SLC37A1: variants seen among roughly 807,000 people sequenced by gnomAD.
SLC37A1 encodes solute carrier family 37 member 1, also known as glucose-6-phosphate exchanger SLC37A1.
Under a neutral mutation model 75.3 loss-of-function variants are expected in SLC37A1, and 49 were observed. The observed-to-expected ratio is 0.65, with a 90% CI of 0.52 to 0.83. The LOEUF is 0.83. Among genes scored for constraint, SLC37A1 ranks in the 40% least tolerant of loss-of-function variants. SLC37A1 has a pLI of 0.00. For synonymous variants in SLC37A1, 268 were observed against 292.1 expected (o/e 0.92, Z 0.84); for missense variants, 566 against 695.0 (o/e 0.81, Z 2.09).
intron 1 of SLC37A1, among the ~76,000 whole-genome samples, chr21:42,515,692 A>T (rs1429338286): frequency 6.6e-6 from 1 of 152,154 alleles, no homozygotes; most frequent in African/African-American, 2.4e-5. Context: ...TTTTAGTTTC[A>T]GGGGTACATG....
chr21:42,553,610 C>A (rs947444365), intron 9 of SLC37A1, among the ~76,000 whole-genome samples: 3 of 151,670 alleles, frequency 2.0e-5, no homozygotes, highest in African/African-American at 7.3e-5. Context: ...TGCCCTCTAG[C>A]AGCAGGTCCA....
intron 18 of SLC37A1, among the ~76,000 whole-genome samples, chr21:42,578,971 G>C (rs377016781): frequency 5.9e-5 from 9 of 152,360 alleles, no homozygotes; most frequent in East Asian, 1.9e-4. Flanking sequence ...TGCCCTCTAA[G>C]AACGAGGGGC....
chr21:42,557,365 C>T (rs2146959264), intron 10 of SLC37A1, among the ~76,000 whole-genome samples: 1 of 152,388 alleles, frequency 6.6e-6, no homozygotes, highest in Middle Eastern at 3.4e-3. Flanking sequence ...CACAGTAGAG[C>T]ATTACTGATG....
intron 1 of SLC37A1, among the ~76,000 whole-genome samples, chr21:42,501,661 G>A (rs1029521962): frequency 9.9e-5 from 15 of 152,216 alleles, no homozygotes; most frequent in South Asian, 2.1e-4. Flanking sequence ...GCAGTGAGCC[G>A]AGATTGCACC....
rs1348792945 is a variant in SLC37A1 at position 42,554,056 on chromosome 21, T to C, written c.769-6T>C. 6.2e-7 allele frequency: 1 copy of C among 1,602,502 alleles called. No homozygotes were observed. Among genetic ancestry groups the C allele is most frequent in the Non-Finnish European group, 8.5e-7 (1 of 1,175,402 alleles). The stretch of plus-strand genomic sequence containing the variant: ...ATCGCTCTAATGAAACTTTTTTTTT[T>C]ACCAGCACTCAAAAGGCTATGAGAA... On this transcript the variant is annotated splice_polypyrimidine_tract_variant and splice_region_variant and intron_variant, in intron 9 of 19. Transcript: ENST00000352133.
intron 2 of SLC37A1, among the ~76,000 whole-genome samples, chr21:42,520,078 C>T (rs369320651): frequency 1.3e-5 from 2 of 152,108 alleles, no homozygotes; most frequent in Admixed American, 6.5e-5. Context: ...TAAATACTTC[C>T]GTGTGTATTT....
intron 1 of SLC37A1, among the ~76,000 whole-genome samples, chr21:42,515,798 G>C (rs12483629): frequency 1.3e-5 from 2 of 151,972 alleles, no homozygotes; most frequent in African/African-American, 4.8e-5. Flanking sequence ...TCGCTCTGTC[G>C]CCCAGGCTGG....
intron 12 of SLC37A1, among the ~76,000 whole-genome samples, chr21:42,563,593 A>G (rs2055892627): frequency 6.6e-6 from 1 of 152,232 alleles, no homozygotes; most frequent in African/African-American, 2.4e-5. Flanking sequence ...AAGGTGGGAT[A>G]ATTAGACTGA....
In SLC37A1 at chr21:42,541,583, A is replaced by G. The variant is rs558476212; in HGVS notation, c.487-821A>G. Reference sequence around the variant, plus strand: ...TCAAAAGTGCAGAGATACTTTGTCCAGGCGCGAAGTCAAGTTCGTGTTCAT... The same window carrying G: ...TCAAAAGTGCAGAGATACTTTGTCCGGGCGCGAAGTCAAGTTCGTGTTCAT... On this transcript the variant is annotated intron_variant, in intron 6 of 19. Transcript: ENST00000352133. Among the ~76,000 whole-genome samples the G allele has an allele frequency of 7.7e-4, 118 of 152,368 alleles. 1 individual carries two copies. The highest frequency in any genetic ancestry group is 2.7e-3 in the African/African-American group (114 of 41,596).
Position 42,525,838 on chromosome 21 carries a change from A to G in SLC37A1, c.119A>G (p.Lys40Arg). 1 of 1,613,894 alleles carries G rather than the reference A, an allele frequency of 6.2e-7. No individual in the cohort carries two copies. Among genetic ancestry groups the G allele is most frequent in the Non-Finnish European group, 8.5e-7 (1 of 1,179,806 alleles). Residue 40 changes from lysine (K) to arginine (R), a missense_variant, in exon 3 of 20, where the codon AAG (lysine) becomes AGG (arginine). Coordinates refer to ENST00000352133, the MANE Select transcript of SLC37A1 (RefSeq NM_001320537.2). ...TATGCAAGTTTTCACTTATCTCGAA[A>G]GCCTATCAGCATAGTTAAGGTAAGA... is the stretch of plus-strand genomic sequence containing the variant. The part of the protein sequence containing the change: ...LLYASFHLSR[K>R]PISIVKGELH...
intron 18 of SLC37A1, chr21:42,575,429 G>A (rs963702635): frequency 2.0e-6 from 2 of 985,354 alleles, no homozygotes; most frequent in Non-Finnish European, 2.4e-6. Context: ...GAATAAAGGA[G>A]CAAAGAGGTT....
chr21:42,512,390 A>C (rs1270999584), upstream of SLC37A1, among the ~76,000 whole-genome samples: 1 of 152,188 alleles, frequency 6.6e-6, no homozygotes, highest in African/African-American at 2.4e-5. Flanking sequence ...TAGGAGGGCA[A>C]CTTGAGGCAG....
At chr21:42,521,020 C>T (rs2054635481) in intron 2 of SLC37A1, among the ~76,000 whole-genome samples, 1 of 152,214 alleles carries the variant, frequency 6.6e-6, no homozygotes, top group Admixed American at 6.5e-5. Context: ...GCTCGCCGTA[C>T]AGTGGAAGCT....
chr21:42,579,721 T>C lies in SLC37A1; in HGVS notation c.1522-15T>C. ...TGCTCCAGTAACAGGTGGGCTCACCTTTGTTTTGGTGCAGTTCCTGATCCG... is the reference window on the plus strand; with the variant it reads ...TGCTCCAGTAACAGGTGGGCTCACCCTTGTTTTGGTGCAGTTCCTGATCCG... On this transcript the variant is annotated splice_polypyrimidine_tract_variant and intron_variant, in intron 18 of 19. Coordinates refer to ENST00000352133, the MANE Select transcript of SLC37A1 (RefSeq NM_001320537.2). The C allele has an allele frequency of 6.2e-7, 1 of 1,614,084 alleles. No individual in the cohort carries two copies. Among genetic ancestry groups the C allele is most frequent in the Non-Finnish European group, 8.5e-7 (1 of 1,179,990 alleles).
chr21:42,564,831 A>C, intron 14 of SLC37A1, 38 bp downstream of exon 14: 1 of 1,580,610 alleles, frequency 6.3e-7, no homozygotes, highest in Non-Finnish European at 8.6e-7. Context: ...CAAAGCCTGC[A>C]GACAGTCCCC....
rs1942867439 is a variant in SLC37A1, at chr21:42,539,553, C to G, written c.392C>G (p.Thr131Ser). 6.2e-7 allele frequency: 1 copy of G among 1,613,862 alleles called. No homozygotes were observed. Among genetic ancestry groups the G allele is most frequent in the Non-Finnish European group, 8.5e-7 (1 of 1,179,960 alleles). ...GERLPIRYYL[T>S]FGMLASGAFT... is the part of the protein sequence containing the mutation. ...CGCCTGCCGATTAGGTATTACCTAA[C>G]TTTCGGGATGCTCGCCAGCGGAGCC... Residue 131 changes from threonine to serine, a missense_variant, in exon 6 of 20, where the codon ACT becomes AGT. Coordinates refer to ENST00000352133, the MANE Select transcript of SLC37A1 (RefSeq NM_001320537.2).
rs1196062879 is a variant in SLC37A1, at chr21:42,547,845, T to A, written c.768+705T>A. 1.3e-5 allele frequency: 2 copies of A among 153,138 alleles called. No individual in the cohort carries two copies. Among genetic ancestry groups the A allele is most frequent in the African/African-American group, 4.8e-5 (2 of 41,454 alleles). 9.5% of individuals were successfully genotyped at this position (153,138 alleles called of 1,614,324 possible). Reference sequence around the variant, plus strand: ...AGAAAGTCCCTCTGGCCCTCATGCCTGCTCCCAGCCGCCCCGCTCCCCATG... The same window carrying A: ...AGAAAGTCCCTCTGGCCCTCATGCCAGCTCCCAGCCGCCCCGCTCCCCATG... On this transcript the variant is annotated intron_variant, in intron 9 of 19. Transcript: ENST00000352133. The surrounding 1 kb of genome is among the most constrained non-coding windows in gnomAD (Gnocchi z 6.1).
At chr21:42,524,702 G>A (rs1044886409) in intron 2 of SLC37A1, among the ~76,000 whole-genome samples, 5 of 152,162 alleles carry the variant, frequency 3.3e-5, no homozygotes, top group South Asian at 2.1e-4. Context: ...TGTGCATCTC[G>A]AGTCCCAGGT....
chr21:42,538,984 C>G (rs995887944), intron 5 of SLC37A1, among the ~76,000 whole-genome samples: 3 of 152,208 alleles, frequency 2.0e-5, no homozygotes, highest in Non-Finnish European at 4.4e-5. Context: ...AGTGGTGTGG[C>G]AGGAGGCGGT....
Sources: allele counts gnomAD v4.1 joint callset (sites outside exome capture counted in the v4.1 genomes callset), GRCh38; gene constraint gnomAD v4.1.1; non-coding constraint Gnocchi (gnomAD v3.1); transcripts MANE v1.5; gene names NCBI Gene and HGNC (gene_info 2026-07-23, HGNC 2026-07-21).